The following SDK1 variants were observed in gnomAD, a reference collection of about 807,000 sequenced individuals.
SDK1 encodes the protein sidekick cell adhesion molecule 1.
A neutral mutation model predicts 245.5 loss-of-function variants in SDK1; 157 were observed. The ratio of observed to expected loss-of-function variants is 0.64; its 90% CI spans 0.56 to 0.73. The LOEUF (loss-of-function observed/expected upper bound fraction) is 0.73. Among genes scored for constraint, SDK1 ranks in the 30% least tolerant of loss-of-function variants. SDK1 has a pLI of 0.00. For missense variants in SDK1, 3,583 were observed against 3,002.3 expected, an observed-to-expected ratio of 1.19 and a Z score of -4.52; for synonymous variants, 1,647 against 1,278.5, an observed-to-expected ratio of 1.29 and a Z score of -6.15.
At position 3,485,176 on chromosome 7, in the gene SDK1, C is replaced by CT. The variant is rs377043959; in HGVS notation, c.299-133899dup. 4.8e-3 allele frequency among the ~76,000 whole-genome samples: 726 copies of CT among 152,134 alleles called. 9 individuals carry two copies. Among genetic ancestry groups the CT allele is most frequent in the African/African-American group, 0.017 (685 of 41,504 alleles). ...CTAGCCAGCATTTGTTATTTTCTGTCTTTTTGATAATAGCTATCATATCTG... is the reference window on the plus strand; with the variant it reads ...CTAGCCAGCATTTGTTATTTTCTGTCTTTTTTGATAATAGCTATCATATCTG... On this transcript the variant is annotated intron_variant, in intron 1 of 44. Coordinates refer to ENST00000404826, the MANE Select transcript of SDK1 (RefSeq NM_152744.4).
chr7:3,638,680 T>C (rs1445144893), intron 2 of SDK1, among the ~76,000 whole-genome samples: 1 of 149,718 alleles, frequency 6.7e-6, no homozygotes, highest in African/African-American at 2.5e-5. Flanking sequence ...ATATACCTAA[T>C]GCTAAATGAC....
In SDK1 at chr7:3,324,416, C is replaced by A. The variant is rs141340675; in HGVS notation, c.298+22532C>A. ...TCCCTTAAAGGCAGTTTTTTGCTTGCCTGTTAATTTGATGAACTTTCAGCC... is the reference window on the plus strand; with the variant it reads ...TCCCTTAAAGGCAGTTTTTTGCTTGACTGTTAATTTGATGAACTTTCAGCC... On this transcript the variant is annotated intron_variant, in intron 1 of 44. Transcript: ENST00000404826. 7.6e-3 allele frequency among the ~76,000 whole-genome samples: 1,157 copies of A among 152,142 alleles called. 13 individuals carry two copies. Among genetic ancestry groups the A allele is most frequent in the Middle Eastern group, 0.02 (6 of 294 alleles).
At chr7:3,498,659 C>T (rs1044561513) in intron 1 of SDK1, among the ~76,000 whole-genome samples, 1 of 151,802 alleles carries the variant, frequency 6.6e-6, no homozygotes, top group South Asian at 2.1e-4. Context: ...GTTGCTTAGT[C>T]TTGTATGTGT....
intron 1 of SDK1, among the ~76,000 whole-genome samples, chr7:3,564,279 C>T (rs114351207): frequency 4.0e-5 from 6 of 151,884 alleles, no homozygotes; most frequent in Non-Finnish European, 1.5e-5. Context: ...AAACTTGATT[C>T]TTTGAAAGAT....
At chr7:3,912,682 C>A (rs1779217794) in intron 5 of SDK1, among the ~76,000 whole-genome samples, 1 of 152,218 alleles carries the variant, frequency 6.6e-6, no homozygotes, top group African/African-American at 2.4e-5. Context: ...CCACGGATGG[C>A]TTTTCATGCA....
Position 3,971,468 on chromosome 7 carries a change from C to T in SDK1, c.1717C>T (p.Arg573Trp), listed in dbSNP as rs1480890567. Residue 573 changes from arginine (R) to tryptophan (W), a missense_variant and splice_region_variant, in exon 12 of 45, where the codon CGG becomes TGG. Physicochemically the swap from Arg to Trp is moderately radical, Grantham distance 101. Coordinates refer to ENST00000404826, the MANE Select transcript of SDK1 (RefSeq NM_152744.4). The stretch of plus-strand genomic sequence containing the variant: ...CTCGTGACTTGTGTTTTTTTCAGAT[C>T]GGACGTCCATCGTCCACCCTCCTGA... Reference protein sequence around the residue: ...NASATLTVWNRTSIVHPPEDH... With the variant: ...NASATLTVWNWTSIVHPPEDH... 6.2e-7 allele frequency: 1 copy of T among 1,608,164 alleles called. No homozygotes were observed. Among genetic ancestry groups the T allele is most frequent in the Non-Finnish European group, 8.5e-7 (1 of 1,175,430 alleles).
chr7:4,051,019 G>A (rs1490849852), intron 18 of SDK1, among the ~76,000 whole-genome samples: 2 of 139,316 alleles, frequency 1.4e-5, no homozygotes, highest in Admixed American at 7.5e-5. Flanking sequence ...TATACTATAT[G>A]TGTATATGTT....
chr7:3,689,503 C>T (rs529675060), intron 4 of SDK1, among the ~76,000 whole-genome samples: 4 of 152,256 alleles, frequency 2.6e-5, no homozygotes, highest in African/African-American at 7.2e-5. Flanking sequence ...GGATTCCCTA[C>T]GTGTAGTATT....
intron 5 of SDK1, among the ~76,000 whole-genome samples, chr7:3,894,568 G>C (rs1176929955): frequency 1.3e-5 from 2 of 152,140 alleles, no homozygotes; most frequent in African/African-American, 4.8e-5. Flanking sequence ...GCCCAGAGAT[G>C]CTCCGGGGTC....
At chr7:3,394,395 A>C (rs151242463) in intron 1 of SDK1, among the ~76,000 whole-genome samples, 20 of 152,288 alleles carry the variant, frequency 1.3e-4, no homozygotes, top group Admixed American at 6.5e-4. Context: ...GCCATTGATC[A>C]ATGATTTTTA....
intron 4 of SDK1, among the ~76,000 whole-genome samples, chr7:3,655,047 TGC>T (rs1472262548): frequency 1.9e-5 from 2 of 103,854 alleles, no homozygotes; most frequent in African/African-American, 8.2e-5. Flanking sequence ...AATCATAGCT[TGC>T]TTTTTTTTTT....
chr7:3,432,677 G>A (rs1345182165), intron 1 of SDK1, among the ~76,000 whole-genome samples: 3 of 152,144 alleles, frequency 2.0e-5, no homozygotes, highest in Non-Finnish European at 2.9e-5. Flanking sequence ...TGTCTTCCCA[G>A]TGTAGACTGT....
At chr7:3,834,806 A>ATACT (rs1412178862) in intron 5 of SDK1, among the ~76,000 whole-genome samples, 3 of 152,142 alleles carry the variant, frequency 2.0e-5, no homozygotes, top group African/African-American at 7.2e-5. Flanking sequence ...GGCTCAGTAA[A>ATACT]TACTTGTCCA....
At chr7:3,399,526 A>G (rs1319770394) in intron 1 of SDK1, among the ~76,000 whole-genome samples, 2 of 152,084 alleles carry the variant, frequency 1.3e-5, no homozygotes, top group Non-Finnish European at 2.9e-5. Context: ...TAAATTTTAA[A>G]TTATTTAATG....
chr7:3,307,851 G>C (rs6461984), intron 1 of SDK1, among the ~76,000 whole-genome samples: 1 of 151,958 alleles, frequency 6.6e-6, no homozygotes, highest in African/African-American at 2.4e-5. Context: ...TAGATGTTCA[G>C]AATTGTTCTA....
chr7:3,482,311 C>A (rs116150529), intron 1 of SDK1, among the ~76,000 whole-genome samples: 1 of 152,134 alleles, frequency 6.6e-6, no homozygotes, highest in Admixed American at 6.5e-5. Flanking sequence ...GCAAGCCAGA[C>A]TCTAGGGAGG....
intron 4 of SDK1, among the ~76,000 whole-genome samples, chr7:3,742,724 CTGTT>C (rs1459837025): frequency 6.6e-6 from 1 of 152,076 alleles, no homozygotes; most frequent in East Asian, 1.9e-4. Flanking sequence ...TTTTTATTCC[CTGTT>C]TGTCTGCCTG....
chr7:3,880,707 G>T (rs961770193), intron 5 of SDK1, among the ~76,000 whole-genome samples: 64 of 152,126 alleles, frequency 4.2e-4, no homozygotes, highest in African/African-American at 1.3e-3. Flanking sequence ...CCCAGGTCGA[G>T]GTGGTGGAGC....
chr7:3,490,105 T>C (rs1213247581), intron 1 of SDK1, among the ~76,000 whole-genome samples: 1 of 152,218 alleles, frequency 6.6e-6, no homozygotes. Context: ...TAGGTACCAA[T>C]TAAGTGAAAA....
Sources: gnomAD v4.1 joint callset for allele counts (sites outside exome capture counted in the v4.1 genomes callset) on GRCh38, gnomAD v4.1.1 for gene constraint, MANE v1.5 for transcripts, NCBI Gene and HGNC (gene_info 2026-07-23, HGNC 2026-07-21) for gene names.